Variants in TM9SF4 observed in about 807,000 individuals in gnomAD.
The protein encoded by TM9SF4 is dinucleotide oxidase disulfide thiol exchanger 3 superfamily member 4.
A neutral mutation model predicts 90.4 loss-of-function variants in TM9SF4; 26 were observed. That is an observed-to-expected ratio of 0.29 (90% CI 0.21 to 0.40). TM9SF4 has a LOEUF of 0.40. Among genes scored for constraint, TM9SF4 ranks in the 10% least tolerant of loss-of-function variants. The probability of loss-of-function intolerance (pLI) is 1.00; values close to 1 mark genes in which losing one functional copy is unlikely to be tolerated. For missense variants in TM9SF4, 549 were observed against 834.8 expected, an observed-to-expected ratio of 0.66 and a Z score of 4.22; for synonymous variants, 293 against 315.4, an observed-to-expected ratio of 0.93 and a Z score of 0.75.
In TM9SF4 at chr20:32,162,762, G is replaced by A. The variant is rs529364658; in HGVS notation, c.1779+1397G>A. Among the ~76,000 whole-genome samples, 7 of 152,086 alleles carry A rather than the reference G, an allele frequency of 4.6e-5. No homozygotes were observed. The South Asian group carries it at 1.5e-3, about 32-fold the overall frequency. ...ATCTTTAGACCTTAGTCTTAATTCT[G>A]GGATCATCTAGAACAAATCTAATCT... On this transcript the variant is annotated intron_variant, in intron 17 of 17. Coordinates refer to ENST00000398022, the MANE Select transcript of TM9SF4 (RefSeq NM_014742.4).
chr20:32,137,090 G>T, intron 3 of TM9SF4: 1 of 454,084 alleles, frequency 2.2e-6, no homozygotes, highest in Non-Finnish European at 4.4e-6. Context: ...CAACTGTGCC[G>T]AAGTCTTGCC....
intron 1 of TM9SF4, among the ~76,000 whole-genome samples, chr20:32,129,387 G>A (rs2046477039): frequency 6.6e-6 from 1 of 151,946 alleles, no homozygotes; most frequent in African/African-American, 2.4e-5. Flanking sequence ...CAGCTACTTG[G>A]CAAGTTGAGG....
In TM9SF4 at chr20:32,156,529, C is replaced by T. The variant is rs139922027; in HGVS notation, c.1330-1265C>T. Among the ~76,000 whole-genome samples the T allele has an allele frequency of 6.0e-4, 91 of 152,336 alleles. 1 individual carries two copies. In the East Asian group the frequency reaches 0.014, roughly 24 times the overall value. On this transcript the variant is annotated intron_variant, in intron 13 of 17. Coordinates refer to ENST00000398022, the MANE Select transcript of TM9SF4 (RefSeq NM_014742.4). ...TATATTCTGACTCTTCTCTAGATTA[C>T]TTAAAATACCTAATACAATGTAAAT...
intron 3 of TM9SF4, among the ~76,000 whole-genome samples, chr20:32,140,508 A>G (rs2046656886): frequency 6.6e-6 from 1 of 152,220 alleles, no homozygotes; most frequent in African/African-American, 2.4e-5. Flanking sequence ...GTATCAGCAC[A>G]TTGTGCAAAG....
At chr20:32,127,893 C>CG (rs1364655932) in intron 1 of TM9SF4, among the ~76,000 whole-genome samples, 3 of 152,164 alleles carry the variant, frequency 2.0e-5, no homozygotes, top group African/African-American at 7.2e-5. Flanking sequence ...TTTCAAATCA[C>CG]CTATCAGATG....
In TM9SF4 at chr20:32,165,224, G is replaced by A. The variant is rs909786736; in HGVS notation, c.1780-71G>A. The A allele has an allele frequency of 6.9e-6, 11 of 1,596,194 alleles. No individual in the cohort carries two copies. In the African/African-American group the frequency reaches 1.2e-4, roughly 17 times the overall value. Reference sequence around the variant, plus strand: ...CAGTTTCCCCATGATATCAGTGAGAGTGGGGCCCCAGTTCGCCATGCAGCC... The same window carrying A: ...CAGTTTCCCCATGATATCAGTGAGAATGGGGCCCCAGTTCGCCATGCAGCC... On this transcript the variant is annotated intron_variant, in intron 17 of 17. Transcript: ENST00000398022.
chr20:32,138,684 A>G (rs1600812343), intron 3 of TM9SF4, among the ~76,000 whole-genome samples: 2 of 152,216 alleles, frequency 1.3e-5, no homozygotes, highest in East Asian at 3.8e-4. Context: ...AAGAAATAGA[A>G]ATGAGCCATT....
intron 12 of TM9SF4, among the ~76,000 whole-genome samples, chr20:32,154,585 C>G (rs1600334220): frequency 6.6e-6 from 1 of 152,176 alleles, no homozygotes; most frequent in Admixed American, 6.5e-5. Flanking sequence ...TCCCGAGTAG[C>G]TGAGACTACA....
At chr20:32,160,555 C>G (rs999354366) in intron 16 of TM9SF4, among the ~76,000 whole-genome samples, 2 of 152,176 alleles carry the variant, frequency 1.3e-5, no homozygotes, top group Non-Finnish European at 2.9e-5. Context: ...TGCTTAACTT[C>G]ATGCCATCCG....
intron 2 of TM9SF4, among the ~76,000 whole-genome samples, chr20:32,135,587 A>G (rs1236939197): frequency 6.6e-6 from 1 of 152,206 alleles, no homozygotes; most frequent in African/African-American, 2.4e-5. Context: ...GACACAGGCA[A>G]GGGGAGAGCT....
At chr20:32,133,263 T>G (rs2046546824) in intron 2 of TM9SF4, 137 bp downstream of exon 2, 1 of 669,288 alleles carries the variant, frequency 1.5e-6, no homozygotes, top group African/African-American at 1.8e-5. Flanking sequence ...TGCCTCTCCC[T>G]CTCCCTGTGC....
rs1054742386 is a variant in TM9SF4 at position 32,142,972 on chromosome 20, T to G, written c.529-10T>G. ...TGTTCTGTTGTGCTTTCTCTGTTGCTGTGTTTCAGATCTACCTGCACAACC... is the reference window on the plus strand; with the variant it reads ...TGTTCTGTTGTGCTTTCTCTGTTGCGGTGTTTCAGATCTACCTGCACAACC... On this transcript the variant is annotated splice_polypyrimidine_tract_variant and intron_variant, in intron 5 of 17. Coordinates refer to ENST00000398022, the MANE Select transcript of TM9SF4 (RefSeq NM_014742.4). The G allele has an allele frequency of 8.1e-6, 13 of 1,612,318 alleles. No homozygotes were observed. The Admixed American group carries it at 1.5e-4, about 19-fold the overall frequency.
intron 12 of TM9SF4, among the ~76,000 whole-genome samples, chr20:32,153,471 G>A (rs985385177): frequency 3.9e-5 from 6 of 152,220 alleles, no homozygotes; most frequent in African/African-American, 7.2e-5. Context: ...GGTTCATGCC[G>A]GTTGTGGTGG....
At chr20:32,148,232 G>C (rs2046791744) in intron 9 of TM9SF4, among the ~76,000 whole-genome samples, 1 of 152,198 alleles carries the variant, frequency 6.6e-6, no homozygotes, top group African/African-American at 2.4e-5. Flanking sequence ...ACCTCAGGAA[G>C]AACCCCACAA....
chr20:32,146,762 A>T, intron 8 of TM9SF4, 23 bp from the exon 9 acceptor site: 2 of 1,613,498 alleles, frequency 1.2e-6, no homozygotes, highest in South Asian at 2.2e-5. Context: ...ACTTCTCCTC[A>T]TCCTCACCGC....
At chr20:32,151,440 G>T (rs1410621732) in intron 12 of TM9SF4, among the ~76,000 whole-genome samples, 1 of 115,180 alleles carries the variant, frequency 8.7e-6, no homozygotes. Context: ...CCTTCTCCTA[G>T]AGCGAGTGAG....
chr20:32,116,927 A>ATGGTGAC (rs2046235148), intron 1 of TM9SF4, among the ~76,000 whole-genome samples: 1 of 128,424 alleles, frequency 7.8e-6, no homozygotes, highest in Admixed American at 9.2e-5. Flanking sequence ...TGGTCTCAAA[A>ATGGTGAC]TGGTGACTGT....
Position 32,150,826 on chromosome 20 carries a change from G to A in TM9SF4, c.1196G>A (p.Arg399His), listed in dbSNP as rs756498435. 6.8e-6 allele frequency: 11 copies of A among 1,614,074 alleles called. No homozygotes were observed. Among genetic ancestry groups the A allele is most frequent in the African/African-American group, 4.0e-5 (3 of 74,926 alleles). ...GTGTTTGGCGGATTTTCTGCTGGCC[G>A]TCTGTACCGCACTTTAAAAGGCCAT... Reference protein sequence around the residue: ...MGVFGGFSAGRLYRTLKGHRW... With the variant: ...MGVFGGFSAGHLYRTLKGHRW... The change falls in exon 12 of 18, where the codon CGT (arginine) becomes CAT (histidine). Residue 399 changes from arginine (R) to histidine (H), a missense_variant. Physicochemically the swap from Arg to His is conservative, Grantham distance 29 (BLOSUM62 0). Transcript: ENST00000398022.
intron 1 of TM9SF4, 69 bp from the exon 2 acceptor site, chr20:32,132,944 C>T (rs1350316817): frequency 1.4e-6 from 2 of 1,421,796 alleles, no homozygotes; most frequent in African/African-American, 2.8e-5. Flanking sequence ...GGTGGTATGA[C>T]TTGATCTGCC....
Sources: allele counts gnomAD v4.1 joint callset (sites outside exome capture counted in the v4.1 genomes callset), GRCh38; gene constraint gnomAD v4.1.1; transcripts MANE v1.5; gene names NCBI Gene and HGNC (gene_info 2026-07-23, HGNC 2026-07-21).